NFIC: variants seen among roughly 807,000 people sequenced by gnomAD.
The protein encoded by NFIC is nuclear factor 1 C-type.
In NFIC, 12 loss-of-function variants were observed where a neutral mutation model predicts 54.4. The ratio of observed to expected loss-of-function variants is 0.22; its 90% CI spans 0.14 to 0.36. The LOEUF is 0.36. Ranked by LOEUF, NFIC falls within the 10% of genes least tolerant of loss-of-function variation. The pLI, the probability that NFIC is intolerant of heterozygous loss-of-function variation, is 1.00. For missense variants in NFIC, 575 were observed against 718.2 expected (o/e 0.80, Z 2.28); for synonymous variants, 322 against 319.2 (o/e 1.01, Z -0.09).
At chr19:3,371,347 TAG>T (rs2081006100) in intron 1 of NFIC, 1 of 132,968 alleles carries the variant, frequency 7.5e-6, no homozygotes, top group African/African-American at 2.9e-5. Context: ...TTTTTTGAGG[TAG>T]AGTCTCGCTC....
In NFIC at chr19:3,456,563, C is replaced by T. The variant is rs1405716981; in HGVS notation, c.1437C>T (p.Pro479=). The change falls in exon 10 of 11, where the codon CCC becomes CCT. Residue 479 remains proline, a synonymous_variant. Transcript: ENST00000443272. The part of the protein sequence containing the change: ...TSPTSPSYSP[P]DTSPANRSFV... ...TCCTCCCTGCAGCCTACTCTCCGCCCGACACGTCCCCTGCAAACCGTTCCT... is the reference window on the plus strand; with the variant it reads ...TCCTCCCTGCAGCCTACTCTCCGCCTGACACGTCCCCTGCAAACCGTTCCT... The T allele has an allele frequency of 1.4e-5, 22 of 1,552,844 alleles. No individual in the cohort carries two copies. The highest frequency in any genetic ancestry group is 1.2e-4 in the Admixed American group (6 of 51,304).
intron 3 of NFIC, among the ~76,000 whole-genome samples, chr19:3,426,374 C>G (rs1038348098): frequency 6.6e-6 from 1 of 152,134 alleles, no homozygotes; most frequent in Non-Finnish European, 1.5e-5. Context: ...CCACCACACC[C>G]AGCCCTCATG....
At chr19:3,368,913 CTGTGTGTGTGTGTG>C (rs59920512) in intron 1 of NFIC, among the ~76,000 whole-genome samples, 6 of 146,958 alleles carry the variant, frequency 4.1e-5, no homozygotes, top group Non-Finnish European at 9.0e-5. Context: ...TGCTCTGACT[CTGTGTGTGTGTGTG>C]TGTGTGTGTG....
intron 3 of NFIC, among the ~76,000 whole-genome samples, chr19:3,428,911 G>A (rs983830425): frequency 6.7e-6 from 1 of 149,034 alleles, no homozygotes; most frequent in Non-Finnish European, 1.5e-5. Context: ...GGGGGCCACC[G>A]CTCTGTCCTC....
At chr19:3,420,211 C>T (rs555804422) in intron 2 of NFIC, among the ~76,000 whole-genome samples, 162 of 152,134 alleles carry the variant, frequency 1.1e-3, no homozygotes, top group African/African-American at 3.8e-3. Flanking sequence ...GCCCCAGCTA[C>T]TTGGGAAGCT....
rs1003102139 is a variant in NFIC at position 3,393,403 on chromosome 19, G to C, written c.562+11160G>C. 2.0e-5 allele frequency among the ~76,000 whole-genome samples: 3 copies of C among 152,236 alleles called. No homozygotes were observed. The East Asian group carries it at 5.8e-4, about 29-fold the overall frequency. Reference sequence around the variant, plus strand: ...GCTGAAGTGGTTTCTAGATTCTCCAGGGCATGAGTCCTGAAATCCCCAAGG... The same window carrying C: ...GCTGAAGTGGTTTCTAGATTCTCCACGGCATGAGTCCTGAAATCCCCAAGG... On this transcript the variant is annotated intron_variant, in intron 2 of 10. Coordinates refer to ENST00000443272, the MANE Select transcript of NFIC (RefSeq NM_001245002.2).
At chr19:3,427,556 C>T (rs573977760) in intron 3 of NFIC, among the ~76,000 whole-genome samples, 42 of 151,966 alleles carry the variant, frequency 2.8e-4, no homozygotes, top group African/African-American at 9.9e-4. Context: ...GGGCCAAGTG[C>T]GGTGGCTCAC....
chr19:3,367,873 A>G (rs1299252772), intron 1 of NFIC, among the ~76,000 whole-genome samples: 1 of 152,074 alleles, frequency 6.6e-6, no homozygotes, highest in African/African-American at 2.4e-5. Flanking sequence ...CTTCCGCTCC[A>G]GGGCATGGTG....
chr19:3,441,313 C>T (rs890874804), intron 6 of NFIC, among the ~76,000 whole-genome samples: 23 of 152,238 alleles, frequency 1.5e-4, no homozygotes, highest in African/African-American at 5.1e-4. Context: ...CAGGGTACCT[C>T]GCTCTCTTTG....
intron 2 of NFIC, among the ~76,000 whole-genome samples, chr19:3,402,345 C>T (rs2081572113): frequency 6.6e-6 from 1 of 152,120 alleles, no homozygotes; most frequent in Admixed American, 6.6e-5. Context: ...CCACTGCGCC[C>T]AGACGGTCCT....
intron 2 of NFIC, among the ~76,000 whole-genome samples, chr19:3,423,230 AAAGT>A (rs2081979523): frequency 6.6e-6 from 1 of 152,072 alleles, no homozygotes; most frequent in African/African-American, 2.4e-5. Context: ...AAAATAGAAG[AAAGT>A]AATAATGGGG....
intron 2 of NFIC, among the ~76,000 whole-genome samples, chr19:3,421,677 G>A (rs1451941793): frequency 1.3e-5 from 2 of 152,244 alleles, no homozygotes; most frequent in Non-Finnish European, 2.9e-5. Flanking sequence ...TGGACACACG[G>A]TGTGTGCATA....
intron 2 of NFIC, among the ~76,000 whole-genome samples, chr19:3,405,331 G>A (rs921544302): frequency 3.3e-5 from 5 of 152,196 alleles, no homozygotes; most frequent in African/African-American, 1.2e-4. Context: ...GGCGGGGAGT[G>A]CGGAGAACAT....
At chr19:3,366,966 C>CG (rs922764822) in intron 1 of NFIC, among the ~76,000 whole-genome samples, 1 of 149,148 alleles carries the variant, frequency 6.7e-6, no homozygotes, top group Non-Finnish European at 1.5e-5. Flanking sequence ...GCGTCCCCCC[C>CG]CCACACACCG....
chr19:3,399,563 A>C (rs988129268), intron 2 of NFIC, among the ~76,000 whole-genome samples: 6 of 151,742 alleles, frequency 4.0e-5, no homozygotes, highest in Non-Finnish European at 8.8e-5. Flanking sequence ...GTGACAGAGC[A>C]ACACCCTGTC....
chr19:3,451,829 A>T (rs1422826736), intron 7 of NFIC, among the ~76,000 whole-genome samples: 7 of 148,608 alleles, frequency 4.7e-5, no homozygotes, highest in Non-Finnish European at 1.0e-4. Flanking sequence ...AAAAAAAAAA[A>T]GACGGGGCCA....
Position 3,463,237 on chromosome 19 carries a change from C to A in NFIC, c.*468C>A. On this transcript the variant is annotated 3_prime_UTR_variant, in exon 11 of 11. Transcript: ENST00000443272. Reference sequence around the variant, plus strand: ...GCCTGGAGCCTGTGCCCAGGGCCGACAGGCGCGACACCCAGCAAGGCCACC... The same window carrying A: ...GCCTGGAGCCTGTGCCCAGGGCCGAAAGGCGCGACACCCAGCAAGGCCACC... The A allele has an allele frequency of 1.0e-6, 1 of 993,436 alleles. No homozygotes were observed. The highest frequency in any genetic ancestry group is 1.2e-6 in the Non-Finnish European group (1 of 835,752). The allele number at this position is 993,436 out of a possible 1,614,324, so 61.5% of individuals were successfully genotyped here. A position where few individuals can be genotyped will look rare whatever the true frequency, so the allele number is the denominator to read the frequency against.
intron 2 of NFIC, among the ~76,000 whole-genome samples, chr19:3,411,670 C>A (rs2081763169): frequency 6.6e-6 from 1 of 152,078 alleles, no homozygotes; most frequent in African/African-American, 2.4e-5. Flanking sequence ...CCTGAAAACT[C>A]CTCAGTGATG....
intron 2 of NFIC, among the ~76,000 whole-genome samples, chr19:3,389,541 T>C (rs1376632916): frequency 6.6e-6 from 1 of 152,140 alleles, no homozygotes; most frequent in Non-Finnish European, 1.5e-5. Context: ...GAATTTGTGT[T>C]CCTGTGTGCT....
Sources: gnomAD v4.1 joint callset for allele counts (sites outside exome capture counted in the v4.1 genomes callset) on GRCh38, gnomAD v4.1.1 for gene constraint, MANE v1.5 for transcripts, NCBI Gene and HGNC (gene_info 2026-07-23, HGNC 2026-07-21) for gene names.